CYP19A1: variants seen among roughly 807,000 people sequenced by gnomAD.
CYP19A1 encodes the protein cytochrome P450 family 19 subfamily A member 1.
A neutral mutation model predicts 44.4 loss-of-function variants in CYP19A1; 32 were observed. That is an observed-to-expected ratio of 0.72 (90% CI 0.54 to 0.97). CYP19A1 has a LOEUF of 0.97. CYP19A1 is among the 50% of genes least tolerant of loss of function. The pLI, the probability that CYP19A1 is intolerant of heterozygous loss-of-function variation, is 0.00. For synonymous variants in CYP19A1, 212 were observed against 215.6 expected (o/e 0.98, Z 0.14); for missense variants, 598 against 637.8 (o/e 0.94, Z 0.67).
At chr15:51,300,571 T>C (rs2036091547) in intron 1 of CYP19A1, among the ~76,000 whole-genome samples, 1 of 152,148 alleles carries the variant, frequency 6.6e-6, no homozygotes, top group African/African-American at 2.4e-5. Flanking sequence ...ACAAAGGTGC[T>C]GCTCCTCCCA....
intron 1 of CYP19A1, among the ~76,000 whole-genome samples, chr15:51,327,585 G>A (rs1595787729): frequency 6.6e-6 from 1 of 151,564 alleles, no homozygotes. Flanking sequence ...GGGTTCAAGC[G>A]ATTCTCAAGG....
rs376475703 is a variant in CYP19A1, at chr15:51,222,445, C to T, written c.532G>A (p.Val178Met). The part of the protein sequence containing the change: ...LKTHLDRLEE[V>M]TNESGYVDVL... ...TCCACATAGCCCGATTCATTGGTCA[C>T]CTCCTCCAACCTGTCCAGATGTGTT... is the stretch of plus-strand genomic sequence containing the variant. The change falls in exon 5 of 10, where the codon GTG becomes ATG. Residue 178 changes from valine to methionine, a missense_variant. Val to Met is a conservative substitution (Grantham distance 21). Coordinates refer to ENST00000396402, the MANE Select transcript of CYP19A1 (RefSeq NM_000103.4). 102 of 1,614,016 alleles carry T rather than the reference C, an allele frequency of 6.3e-5. No individual in the cohort carries two copies. Among genetic ancestry groups the T allele is most frequent in the Non-Finnish European group, 8.4e-5 (99 of 1,180,010 alleles).
At position 51,218,573 on chromosome 15, in the gene CYP19A1, A is replaced by T; in HGVS notation, c.711T>A (p.Ile237=). The change falls in exon 6 of 10, where the codon ATT becomes ATA. Residue 237 remains isoleucine, a synonymous_variant. Transcript: ENST00000396402. The part of the protein sequence containing the change: ...LLIKPDIFFK[I]SWLYKKYEKS... ...TCTCATACTTTTTGTATAGCCAAGA[A>T]ATCTTAAAGAAGATGTCTGGTTTGA... The T allele has an allele frequency of 6.2e-7, 1 of 1,613,786 alleles. No homozygotes were observed. Among genetic ancestry groups the T allele is most frequent in the African/African-American group, 1.3e-5 (1 of 75,044 alleles).
intron 5 of CYP19A1, 162 bp downstream of exon 5, chr15:51,222,186 GA>G: frequency 1.5e-6 from 2 of 1,312,958 alleles, no homozygotes; most frequent in Non-Finnish European, 2.1e-6. Context: ...TTTTATAAGT[GA>G]ACAAAGCAGA....
At chr15:51,301,497 C>T (rs918523077) in intron 1 of CYP19A1, among the ~76,000 whole-genome samples, 1 of 152,182 alleles carries the variant, frequency 6.6e-6, no homozygotes, top group Non-Finnish European at 1.5e-5. Context: ...AAAATGAATG[C>T]TTTTCCCCTC....
chr15:51,311,080 C>T (rs1050650703), intron 1 of CYP19A1, among the ~76,000 whole-genome samples: 1 of 151,940 alleles, frequency 6.6e-6, no homozygotes, highest in Non-Finnish European at 1.5e-5. Flanking sequence ...ATGAAATGTC[C>T]AGGAAACAAT....
At chr15:51,246,929 C>G (rs2034083247) in intron 1 of CYP19A1, among the ~76,000 whole-genome samples, 1 of 152,092 alleles carries the variant, frequency 6.6e-6, no homozygotes, top group Non-Finnish European at 1.5e-5. Flanking sequence ...GCATTTTTTT[C>G]TCTATCCATT....
rs995809405 is a variant in CYP19A1, at chr15:51,244,886, G to A, written c.-38-1936C>T. On this transcript the variant is annotated intron_variant, in intron 1 of 9. Transcript: ENST00000396402. The stretch of plus-strand genomic sequence containing the variant: ...ATAGAAAAGATGTTCCCTCAGTATC[G>A]TAAGTTATGCAAAGAGAAGAAGGCA... Among the ~76,000 whole-genome samples the A allele has an allele frequency of 4.6e-5, 7 of 152,180 alleles. No individual in the cohort carries two copies. The South Asian group carries it at 1.2e-3, about 27-fold the overall frequency.
chr15:51,252,745 C>T (rs1401936856), intron 1 of CYP19A1, among the ~76,000 whole-genome samples: 1 of 151,912 alleles, frequency 6.6e-6, no homozygotes, highest in East Asian at 1.9e-4. Flanking sequence ...CTGTCTTCAC[C>T]TCCAACACTG....
chr15:51,217,879 G>C (rs2031722572), intron 6 of CYP19A1, among the ~76,000 whole-genome samples: 2 of 152,144 alleles, frequency 1.3e-5, no homozygotes, highest in Admixed American at 1.3e-4. Flanking sequence ...TTCCACTGGT[G>C]GTTAGAGGTA....
intron 1 of CYP19A1, among the ~76,000 whole-genome samples, chr15:51,290,441 A>G (rs1334447790): frequency 6.6e-6 from 1 of 152,204 alleles, no homozygotes; most frequent in Non-Finnish European, 1.5e-5. Flanking sequence ...CAGAAGAGTG[A>G]AAAAGGTCTT....
intron 1 of CYP19A1, among the ~76,000 whole-genome samples, chr15:51,325,511 T>C (rs2445762): frequency 0.31 from 47,164 of 151,942 alleles, 7,598 homozygotes; most frequent in African/African-American, 0.38. Flanking sequence ...GTGCTACATC[T>C]CTATATGCCC....
chr15:51,249,106 A>C (rs990557670), intron 1 of CYP19A1, among the ~76,000 whole-genome samples: 3 of 151,572 alleles, frequency 2.0e-5, no homozygotes, highest in Non-Finnish European at 2.9e-5. Context: ...CGCCCGTCCA[A>C]TTTTTGTATT....
At chr15:51,222,132 C>A (rs1335159266) in intron 5 of CYP19A1, 2 of 743,910 alleles carry the variant, frequency 2.7e-6, no homozygotes, top group Non-Finnish European at 4.2e-6. Flanking sequence ...AGGAAAGATA[C>A]AAAAGGCTAG....
chr15:51,252,141 G>T (rs1220596525), intron 1 of CYP19A1, among the ~76,000 whole-genome samples: 1 of 152,156 alleles, frequency 6.6e-6, no homozygotes, highest in Non-Finnish European at 1.5e-5. Flanking sequence ...GGGAGGCTGG[G>T]GTGCATGTGG....
At position 51,296,541 on chromosome 15, in the gene CYP19A1, G is replaced by A. The variant is rs28757115; in HGVS notation, c.-39+41954C>T. ...CAATCCATGGGGCCAGTGTACATCC[G>A]CGGGAAACTCGCTAAAATTACAGAA... On this transcript the variant is annotated intron_variant, in intron 1 of 9. Coordinates refer to ENST00000396402, the MANE Select transcript of CYP19A1 (RefSeq NM_000103.4). Among the ~76,000 whole-genome samples the A allele has an allele frequency of 6.3e-3, 957 of 152,294 alleles. 15 individuals carry two copies. Among genetic ancestry groups the A allele is most frequent in the African/African-American group, 0.022 (913 of 41,546 alleles).
At chr15:51,286,155 T>A (rs1273399296) in intron 1 of CYP19A1, among the ~76,000 whole-genome samples, 1 of 152,206 alleles carries the variant, frequency 6.6e-6, no homozygotes, top group African/African-American at 2.4e-5. Flanking sequence ...AAGTCATCTA[T>A]AACAACTCTA....
intron 6 of CYP19A1, among the ~76,000 whole-genome samples, chr15:51,216,331 A>G (rs905693840): frequency 6.6e-6 from 1 of 152,168 alleles, no homozygotes; most frequent in African/African-American, 2.4e-5. Context: ...AGCCCACTGC[A>G]GCCTCTGCCT....
At chr15:51,220,549 T>G (rs1286204750) in intron 5 of CYP19A1, among the ~76,000 whole-genome samples, 2 of 152,240 alleles carry the variant, frequency 1.3e-5, no homozygotes, top group Non-Finnish European at 2.9e-5. Flanking sequence ...CACATTGAGT[T>G]GTACATACTT....
Sources: allele counts gnomAD v4.1 joint callset (sites outside exome capture counted in the v4.1 genomes callset), GRCh38; gene constraint gnomAD v4.1.1; transcripts MANE v1.5; gene names NCBI Gene and HGNC (gene_info 2026-07-23, HGNC 2026-07-21).